CYP4F12: variants seen among roughly 807,000 people sequenced by gnomAD.
CYP4F12 encodes cytochrome P450 4F12.
Under a neutral mutation model 56.5 loss-of-function variants are expected in CYP4F12, and 60 were observed. That is an observed-to-expected ratio of 1.06 (90% CI 0.86 to 1.32). The LOEUF is 1.32. CYP4F12 is among the 40% of genes most tolerant of loss of function. The pLI is 0.00. For missense variants in CYP4F12, 711 were observed against 683.5 expected, an observed-to-expected ratio of 1.04 and a Z score of -0.45; for synonymous variants, 263 against 264.9, an observed-to-expected ratio of 0.99 and a Z score of 0.07.
intron 9 of CYP4F12, among the ~76,000 whole-genome samples, chr19:15,689,262 A>C (rs1294190116): frequency 1.3e-5 from 2 of 150,712 alleles, no homozygotes; most frequent in African/African-American, 2.4e-5. Context: ...AGGAAAAAAA[A>C]CAAACAAACA....
chr19:15,673,756 GTC>G, intron 2 of CYP4F12, 29 bp downstream of exon 2: 1 of 1,610,866 alleles, frequency 6.2e-7, no homozygotes, highest in Non-Finnish European at 8.5e-7. Context: ...TGTGTCTGGG[GTC>G]TCAGGGTGGA....
intron 9 of CYP4F12, among the ~76,000 whole-genome samples, chr19:15,686,607 G>A (rs1187743905): frequency 6.6e-6 from 1 of 152,208 alleles, no homozygotes; most frequent in Non-Finnish European, 1.5e-5. Context: ...GGTAGTGAAA[G>A]CAGAGTCTGG....
At chr19:15,673,280 A>C (rs2006714631) in intron 1 of CYP4F12, 145 bp downstream of exon 1, 2 of 614,186 alleles carry the variant, frequency 3.3e-6, no homozygotes, top group Non-Finnish European at 5.9e-6. Flanking sequence ...CCAAGGATTC[A>C]GGTGGGGCCC....
At chr19:15,689,645 T>C (rs1288572848) in intron 9 of CYP4F12, among the ~76,000 whole-genome samples, 1 of 152,196 alleles carries the variant, frequency 6.6e-6, no homozygotes, top group African/African-American at 2.4e-5. Flanking sequence ...AAAAGACACA[T>C]GCACATGCAT....
intron 9 of CYP4F12, among the ~76,000 whole-genome samples, chr19:15,694,205 G>A (rs1273316992): frequency 6.7e-6 from 1 of 149,650 alleles, no homozygotes; most frequent in Non-Finnish European, 1.5e-5. Flanking sequence ...CTTTAAAGTA[G>A]TTTTTTCCAA....
At chr19:15,695,530 T>C (rs1490450327) in intron 9 of CYP4F12, among the ~76,000 whole-genome samples, 1 of 151,764 alleles carries the variant, frequency 6.6e-6, no homozygotes, top group Non-Finnish European at 1.5e-5. Flanking sequence ...ATTGCATGAC[T>C]CTCCTTTTTT....
intron 9 of CYP4F12, 39 bp from the exon 10 acceptor site, chr19:15,695,897 G>T (rs1046346901): frequency 4.4e-6 from 7 of 1,588,964 alleles, no homozygotes; most frequent in Non-Finnish European, 3.4e-6. Context: ...TTGTGTATTT[G>T]TTCCCTTGAT....
intron 2 of CYP4F12, among the ~76,000 whole-genome samples, chr19:15,677,071 C>A (rs1334773675): frequency 7.1e-6 from 1 of 140,248 alleles, no homozygotes. Context: ...TCATTCCTGT[C>A]CTCACTCACT....
At chr19:15,696,841 G>A in intron 12 of CYP4F12, 67 bp from the exon 13 acceptor site, 2 of 1,529,466 alleles carry the variant, frequency 1.3e-6, no homozygotes, top group South Asian at 2.5e-5. Context: ...CCCAGGCCAG[G>A]TTCCTGGGTT....
chr19:15,673,359 T>G, intron 1 of CYP4F12, 170 bp from the exon 2 acceptor site: 4 of 685,702 alleles, frequency 5.8e-6, no homozygotes, highest in Non-Finnish European at 9.8e-6. Context: ...GGCCACTTAG[T>G]TGTTGGTTTT....
At chr19:15,680,339 G>A in intron 4 of CYP4F12, 42 bp downstream of exon 4, 1 of 1,613,580 alleles carries the variant, frequency 6.2e-7, no homozygotes, top group Non-Finnish European at 8.5e-7. Flanking sequence ...CAACCTTGCG[G>A]GGAGGGTAGG....
At chr19:15,696,115 T>C in intron 10 of CYP4F12, 46 bp downstream of exon 10, 1 of 1,610,940 alleles carries the variant, frequency 6.2e-7, no homozygotes, top group Admixed American at 1.7e-5. Flanking sequence ...AGGAAGATGG[T>C]TCCCTCAGGG....
intron 2 of CYP4F12, among the ~76,000 whole-genome samples, chr19:15,677,129 A>T (rs62640402): frequency 6.3e-4 from 10 of 15,956 alleles, no homozygotes; most frequent in South Asian, 3.3e-3. Context: ...ACTCATTCAT[A>T]TCCTCACTCA....
intron 9 of CYP4F12, among the ~76,000 whole-genome samples, chr19:15,690,961 A>G (rs2007842545): frequency 6.6e-6 from 1 of 152,222 alleles, no homozygotes; most frequent in African/African-American, 2.4e-5. Flanking sequence ...GTATTTACAT[A>G]TATGGACATT....
At chr19:15,680,854 T>C (rs10415360) in intron 5 of CYP4F12, 327,325 of 355,746 alleles carry the variant, frequency 0.92, 150,654 homozygotes, top group East Asian at 1. Context: ...GGTTTACAAT[T>C]GCTAACGAGT....
chr19:15,692,917 TA>T (rs10719216), intron 9 of CYP4F12, among the ~76,000 whole-genome samples: 42,749 of 149,832 alleles, frequency 0.29, 6,535 homozygotes, highest in African/African-American at 0.4. Context: ...CTACTAAAAA[TA>T]AAAAAAAAAA....
intron 9 of CYP4F12, among the ~76,000 whole-genome samples, chr19:15,692,968 C>T (rs576401898): frequency 6.6e-6 from 1 of 152,136 alleles, no homozygotes; most frequent in African/African-American, 2.4e-5. Flanking sequence ...GTCCCAGCTA[C>T]TTGGGAGGCT....
chr19:15,690,211 T>C (rs1221262917), intron 9 of CYP4F12, among the ~76,000 whole-genome samples: 1 of 152,222 alleles, frequency 6.6e-6, no homozygotes, highest in African/African-American at 2.4e-5. Context: ...TTATTTTTAA[T>C]TGGCAAATTT....
intron 4 of CYP4F12, 34 bp from the exon 5 acceptor site, chr19:15,680,358 T>G (rs1376637050): frequency 1.2e-6 from 2 of 1,613,916 alleles, no homozygotes; most frequent in South Asian, 2.2e-5. Flanking sequence ...GGGGAAGTGC[T>G]GCTCTTGCCC....
Sources: gnomAD v4.1 joint callset for allele counts (sites outside exome capture counted in the v4.1 genomes callset) on GRCh38, gnomAD v4.1.1 for gene constraint, MANE v1.5 for transcripts, NCBI Gene and HGNC (gene_info 2026-07-23, HGNC 2026-07-21) for gene names.